FIGN: variants seen among roughly 807,000 people sequenced by gnomAD.
The protein encoded by FIGN is fidgetin, microtubule severing factor.
In FIGN, 11 loss-of-function variants were observed where a neutral mutation model predicts 51.3. The ratio of observed to expected loss-of-function variants is 0.21; its 90% confidence interval spans 0.13 to 0.35. The LOEUF (loss-of-function observed/expected upper bound fraction) is 0.35, where lower values mean the gene tolerates loss of function less well. FIGN is among the 10% of genes least tolerant of loss of function. FIGN has a pLI of 1.00. For missense variants in FIGN, 857 were observed against 943.6 expected (o/e 0.91, Z 1.20); for synonymous variants, 407 against 363.2 (o/e 1.12, Z -1.37).
At position 163,625,662 on chromosome 2, in the gene FIGN, T is replaced by G. The variant is rs1017487577; in HGVS notation, c.26-13856A>C. On this transcript the variant is annotated intron_variant, in intron 2 of 2. Coordinates refer to ENST00000333129, the MANE Select transcript of FIGN (RefSeq NM_018086.4). ...TTATCTATAAATGTATGTTGATTAT[T>G]CCATTAATAGAATATATCTTGAGGC... Among the ~76,000 whole-genome samples, 5 of 152,172 alleles carry G rather than the reference T, an allele frequency of 3.3e-5. No individual in the cohort carries two copies. The South Asian group carries it at 6.2e-4, about 19-fold the overall frequency.
chr2:163,686,224 T>C (rs1270010732), intron 2 of FIGN, among the ~76,000 whole-genome samples: 1 of 152,222 alleles, frequency 6.6e-6, no homozygotes, highest in Non-Finnish European at 1.5e-5. Flanking sequence ...CCCTGTCATA[T>C]TCTGACATAA....
intron 2 of FIGN, among the ~76,000 whole-genome samples, chr2:163,701,528 G>A (rs575061844): frequency 6.6e-6 from 1 of 152,280 alleles, no homozygotes; most frequent in South Asian, 2.1e-4. Context: ...TGGTTCCCTG[G>A]AAACCAAAGT....
In FIGN at chr2:163,609,966, G is replaced by A. The variant is rs1380180278; in HGVS notation, c.1866C>T (p.Asp622=). The A allele has an allele frequency of 1.2e-6, 2 of 1,613,914 alleles. No homozygotes were observed. Among genetic ancestry groups the A allele is most frequent in the Non-Finnish European group, 1.7e-6 (2 of 1,180,014 alleles). Residue 622 remains aspartate, a synonymous_variant, in exon 3 of 3, where the codon GAC becomes GAT. Transcript: ENST00000333129. ...TGGTGGCACAAATTACTACGATTTGGTCCTCAGCCGAAGTTAGTACAGTGT... is the reference window on the plus strand; with the variant it reads ...TGGTGGCACAAATTACTACGATTTGATCCTCAGCCGAAGTTAGTACAGTGT... The part of the protein sequence containing the change: ...QLDTVLTSAE[D]QIVVICATSK...
At position 163,607,835 on chromosome 2, in the gene FIGN, C is replaced by T. The variant is rs1453569866; in HGVS notation, c.*1717G>A. On this transcript the variant is annotated 3_prime_UTR_variant, in exon 3 of 3. Coordinates refer to ENST00000333129, the MANE Select transcript of FIGN (RefSeq NM_018086.4). Reference sequence around the variant, plus strand: ...AGCTACAGCCTGCTCTGTGACAGTTCAGAAGCATTGCCAAACATCAGCCCA... The same window carrying T: ...AGCTACAGCCTGCTCTGTGACAGTTTAGAAGCATTGCCAAACATCAGCCCA... 6.6e-6 allele frequency: 1 copy of T among 152,576 alleles called. No individual in the cohort carries two copies. The highest frequency in any genetic ancestry group is 2.4e-5 in the African/African-American group (1 of 41,432). 9.5% of individuals were successfully genotyped at this position (152,576 alleles called of 1,614,324 possible).
intron 2 of FIGN, among the ~76,000 whole-genome samples, chr2:163,699,167 T>C (rs1392333274): frequency 1.3e-5 from 2 of 152,208 alleles, no homozygotes; most frequent in Admixed American, 6.5e-5. Context: ...CTAAGAGCTT[T>C]GTGAGCTTAA....
chr2:163,698,725 A>G lies in FIGN; in HGVS notation c.25+36178T>C, dbSNP rs529009809. On this transcript the variant is annotated intron_variant, in intron 2 of 2. Coordinates refer to ENST00000333129, the MANE Select transcript of FIGN (RefSeq NM_018086.4). ...AGGAAAATTAAGCACAACGCAAACT[A>G]TTCCTTCTGTGGGATCCTGCATTCT... is the stretch of plus-strand genomic sequence containing the variant. Among the ~76,000 whole-genome samples the G allele has an allele frequency of 3.3e-5, 5 of 152,266 alleles. No homozygotes were observed. The South Asian group carries it at 1.0e-3, about 32-fold the overall frequency.
chr2:163,614,608 G>GA (rs113121034), intron 2 of FIGN, among the ~76,000 whole-genome samples: 37 of 150,264 alleles, frequency 2.5e-4, no homozygotes, highest in African/African-American at 7.3e-4. Flanking sequence ...AGAAAAACGT[G>GA]AAAAAAAAAG....
intron 2 of FIGN, among the ~76,000 whole-genome samples, chr2:163,652,583 C>T (rs1683495903): frequency 6.6e-6 from 1 of 152,058 alleles, no homozygotes; most frequent in Non-Finnish European, 1.5e-5. Context: ...AACATTTATA[C>T]AGTCTAAATT....
chr2:163,660,701 A>ATTTTTTTTTTT (rs1683641158), intron 2 of FIGN, among the ~76,000 whole-genome samples: 1 of 122,178 alleles, frequency 8.2e-6, no homozygotes, highest in South Asian at 2.6e-4. Flanking sequence ...ATACATATAT[A>ATTTTTTTTTTT]TGTATACACA....
chr2:163,692,997 C>T (rs1684260927), intron 2 of FIGN, among the ~76,000 whole-genome samples: 1 of 152,214 alleles, frequency 6.6e-6, no homozygotes, highest in African/African-American at 2.4e-5. Context: ...CGCCTTGGTA[C>T]TTCCTTTAAC....
intron 2 of FIGN, among the ~76,000 whole-genome samples, chr2:163,694,350 C>T (rs959599751): frequency 1.3e-5 from 2 of 152,278 alleles, no homozygotes; most frequent in Admixed American, 1.3e-4. Context: ...TGTACTATAA[C>T]CTCCTCTTCA....
chr2:163,632,106 C>T (rs1196275137), intron 2 of FIGN, among the ~76,000 whole-genome samples: 3 of 152,052 alleles, frequency 2.0e-5, no homozygotes, highest in South Asian at 2.1e-4. Flanking sequence ...TGAGATTGTG[C>T]CATTACATTC....
intron 2 of FIGN, among the ~76,000 whole-genome samples, chr2:163,711,509 A>G (rs983115999): frequency 3.9e-5 from 6 of 152,128 alleles, no homozygotes; most frequent in African/African-American, 1.4e-4. Flanking sequence ...TCCTTTCCTC[A>G]AGAAATTAAA....
At chr2:163,692,368 A>T (rs1213070555) in intron 2 of FIGN, among the ~76,000 whole-genome samples, 22 of 152,212 alleles carry the variant, frequency 1.4e-4, no homozygotes. Flanking sequence ...GTTAAAAACA[A>T]GCTCAACAAT....
rs537221771 is a variant in FIGN, at chr2:163,703,475, A to G, written c.25+31428T>C. 1.2e-3 allele frequency among the ~76,000 whole-genome samples: 185 copies of G among 152,272 alleles called. 1 individual carries two copies. Among genetic ancestry groups the G allele is most frequent in the African/African-American group, 4.1e-3 (169 of 41,580 alleles). ...TGATACATTTTTCATTTTCTATTTTAAAACGAAAACCAGTTACTTTTGAGT... is the reference window on the plus strand; with the variant it reads ...TGATACATTTTTCATTTTCTATTTTGAAACGAAAACCAGTTACTTTTGAGT... On this transcript the variant is annotated intron_variant, in intron 2 of 2. Transcript: ENST00000333129.
chr2:163,607,026 A>G lies in FIGN; in HGVS notation c.*2526T>C, dbSNP rs530124182. On this transcript the variant is annotated 3_prime_UTR_variant, in exon 3 of 3. Coordinates refer to ENST00000333129, the MANE Select transcript of FIGN (RefSeq NM_018086.4). Reference sequence around the variant, plus strand: ...CATATATTTGGCATTAAATCTTACTAGCCACAAAAAAATGTGGGTCAATAT... The same window carrying G: ...CATATATTTGGCATTAAATCTTACTGGCCACAAAAAAATGTGGGTCAATAT... The G allele has an allele frequency of 1.3e-5, 2 of 152,350 alleles. No homozygotes were observed. Among genetic ancestry groups the G allele is most frequent in the East Asian group, 3.9e-4 (2 of 5,186 alleles). The allele number at this position is 152,350 out of a possible 1,614,324, so 9.4% of individuals were successfully genotyped here.
At chr2:163,715,262 C>A (rs1006983056) in intron 2 of FIGN, among the ~76,000 whole-genome samples, 2 of 152,144 alleles carry the variant, frequency 1.3e-5, no homozygotes, top group African/African-American at 2.4e-5. Context: ...CTCACCAGTG[C>A]GCTGACCCTC....
chr2:163,668,009 C>G (rs1014505969), intron 2 of FIGN, among the ~76,000 whole-genome samples: 2 of 132,988 alleles, frequency 1.5e-5, no homozygotes, highest in African/African-American at 6.8e-5. Flanking sequence ...ACACCCCTAC[C>G]TCCAACCCCC....
At chr2:163,629,650 C>T (rs1683113326) in intron 2 of FIGN, among the ~76,000 whole-genome samples, 1 of 152,002 alleles carries the variant, frequency 6.6e-6, no homozygotes, top group Non-Finnish European at 1.5e-5. Flanking sequence ...CACAGCCACA[C>T]CCATTTGTTT....
Sources: gnomAD v4.1 joint callset for allele counts (sites outside exome capture counted in the v4.1 genomes callset) on GRCh38, gnomAD v4.1.1 for gene constraint, MANE v1.5 for transcripts, NCBI Gene and HGNC (gene_info 2026-07-23, HGNC 2026-07-21) for gene names.